Variants in HTR4 observed in about 807,000 individuals in gnomAD.
HTR4 encodes the protein 5-hydroxytryptamine receptor 4.
A neutral mutation model predicts 36.8 loss-of-function variants in HTR4; 16 were observed. That is an observed-to-expected ratio of 0.43 (90% CI 0.29 to 0.66). The LOEUF (loss-of-function observed/expected upper bound fraction) is 0.66, where lower values mean the gene tolerates loss of function less well. Among genes scored for constraint, HTR4 ranks in the 30% least tolerant of loss-of-function variants. HTR4 has a pLI of 0.13. For synonymous variants in HTR4, 189 were observed against 185.1 expected, an observed-to-expected ratio of 1.02 and a Z score of -0.17; for missense variants, 438 against 490.9, an observed-to-expected ratio of 0.89 and a Z score of 1.02.
chr5:148,602,760 T>C lies in HTR4; in HGVS notation c.26+34229A>G, dbSNP rs535707717. 6.2e-4 allele frequency among the ~76,000 whole-genome samples: 95 copies of C among 152,222 alleles called. 2 individuals are homozygous for C. In the South Asian group the frequency reaches 0.011, roughly 18 times the overall value. Reference sequence around the variant, plus strand: ...CTAGACAGGCTTATTAAAAAATGTTTAAAGAGAGAAATAAGGCACAAGTTA... The same window carrying C: ...CTAGACAGGCTTATTAAAAAATGTTCAAAGAGAGAAATAAGGCACAAGTTA... On this transcript the variant is annotated intron_variant, in intron 2 of 6. Coordinates refer to ENST00000377888, the MANE Select transcript of HTR4 (RefSeq NM_000870.7).
intron 1 of HTR4, among the ~76,000 whole-genome samples, chr5:148,647,191 TC>T (rs1753896973): frequency 1.3e-5 from 2 of 152,352 alleles, no homozygotes; most frequent in South Asian, 4.1e-4. Flanking sequence ...TATGTGAAAG[TC>T]CTCTGAACAA....
At chr5:148,600,975 G>A (rs1478795866) in intron 2 of HTR4, among the ~76,000 whole-genome samples, 3 of 1,756 alleles carry the variant, frequency 1.7e-3, no homozygotes, top group Admixed American at 6.3e-3. Flanking sequence ...CAACTCAATA[G>A]CAAAAAAAAA....
chr5:148,619,664 C>T (rs971591982), intron 2 of HTR4, among the ~76,000 whole-genome samples: 3 of 152,102 alleles, frequency 2.0e-5, no homozygotes, highest in Non-Finnish European at 2.9e-5. Flanking sequence ...ATTGAAAACA[C>T]GACTGAAAAT....
At chr5:148,539,230 T>C (rs1357465339) in intron 4 of HTR4, among the ~76,000 whole-genome samples, 1 of 152,180 alleles carries the variant, frequency 6.6e-6, no homozygotes. Flanking sequence ...CAACTGAAGA[T>C]GGATTAAAGA....
chr5:148,550,112 C>T (rs772228112), intron 3 of HTR4, 25 bp downstream of exon 3: 1 of 1,613,502 alleles, frequency 6.2e-7, no homozygotes, highest in South Asian at 1.1e-5. Flanking sequence ...CATGTTTCCT[C>T]AAAAGGTTCC....
At chr5:148,639,562 A>G (rs1266101667) in intron 1 of HTR4, among the ~76,000 whole-genome samples, 1 of 146,596 alleles carries the variant, frequency 6.8e-6, no homozygotes, top group Non-Finnish European at 1.5e-5. Context: ...ACAATTTCAC[A>G]CCCCATTTTC....
chr5:148,497,615 G>A (rs1756746020), intron 6 of HTR4, among the ~76,000 whole-genome samples: 1 of 152,130 alleles, frequency 6.6e-6, no homozygotes, highest in Non-Finnish European at 1.5e-5. Context: ...GCCACTATGT[G>A]CACTATGGGT....
chr5:148,465,093 A>AT (rs1194865347), intron 5 of HTR4, among the ~76,000 whole-genome samples: 1 of 152,170 alleles, frequency 6.6e-6, no homozygotes, highest in African/African-American at 2.4e-5. Flanking sequence ...GAAGAGATAA[A>AT]CACGCAGAGC....
intron 5 of HTR4, among the ~76,000 whole-genome samples, chr5:148,511,923 C>T (rs1259012789): frequency 6.6e-6 from 1 of 151,972 alleles, no homozygotes; most frequent in Admixed American, 6.6e-5. Flanking sequence ...TGACTCTTTC[C>T]ATTGGTTTAG....
At chr5:148,548,531 C>A in intron 4 of HTR4, 137 bp downstream of exon 4, 1 of 766,474 alleles carries the variant, frequency 1.3e-6, no homozygotes, top group South Asian at 1.8e-5. Context: ...TGGAGAATGA[C>A]TGTATAACTG....
chr5:148,621,057 A>C lies in HTR4; in HGVS notation c.26+15932T>G, dbSNP rs546687824. On this transcript the variant is annotated intron_variant, in intron 2 of 6. Coordinates refer to ENST00000377888, the MANE Select transcript of HTR4 (RefSeq NM_000870.7). ...AAAAATATCCATAAATAGGAAAGGA[A>C]TATTAGCAGAATCATTGTCACAGTG... Among the ~76,000 whole-genome samples, 33 of 152,388 alleles carry C rather than the reference A, an allele frequency of 2.2e-4. No individual in the cohort carries two copies. In the South Asian group the frequency reaches 6.6e-3, roughly 31 times the overall value.
intron 6 of HTR4, among the ~76,000 whole-genome samples, chr5:148,489,799 G>T (rs1756330970): frequency 6.6e-6 from 1 of 152,042 alleles, no homozygotes; most frequent in Non-Finnish European, 1.5e-5. Context: ...GGCCAAGAAG[G>T]GTTTCATATA....
Position 148,484,267 on chromosome 5 carries a change from C to G in HTR4, c.1077-974G>C, listed in dbSNP as rs773967768. On this transcript the variant is annotated intron_variant, in intron 6 of 6. Coordinates refer to ENST00000377888, the MANE Select transcript of HTR4 (RefSeq NM_000870.7). The stretch of plus-strand genomic sequence containing the variant: ...ACAGAGAATCATAGTTACCCCAAGA[C>G]AGGCTTCCTTGCAGTCAAACATCTA... 3 of 1,613,232 alleles carry G rather than the reference C, an allele frequency of 1.9e-6. No individual in the cohort carries two copies. In the South Asian group the frequency reaches 3.3e-5, roughly 18 times the overall value.
At chr5:148,463,994 T>C (rs1462033325) in intron 5 of HTR4, among the ~76,000 whole-genome samples, 1 of 149,786 alleles carries the variant, frequency 6.7e-6, no homozygotes, top group Non-Finnish European at 1.5e-5. Context: ...AAAGATAGTC[T>C]TGTCAACACA....
intron 1 of HTR4, among the ~76,000 whole-genome samples, chr5:148,650,531 G>A (rs1754002548): frequency 6.6e-6 from 1 of 151,908 alleles, no homozygotes; most frequent in Non-Finnish European, 1.5e-5. Context: ...GCAGAATGGA[G>A]GAATCAAAGG....
At chr5:148,489,454 A>C (rs546818331) in intron 6 of HTR4, among the ~76,000 whole-genome samples, 4 of 152,318 alleles carry the variant, frequency 2.6e-5, no homozygotes. Flanking sequence ...AGTCAGGTAC[A>C]TAAAGAATAC....
At chr5:148,611,685 T>C (rs1390284890) in intron 2 of HTR4, among the ~76,000 whole-genome samples, 5 of 150,862 alleles carry the variant, frequency 3.3e-5, no homozygotes, top group African/African-American at 1.2e-4. Context: ...CACTATTAAC[T>C]TTAAATGTAA....
At chr5:148,507,089 G>T (rs1235862212) in intron 6 of HTR4, among the ~76,000 whole-genome samples, 1 of 152,008 alleles carries the variant, frequency 6.6e-6, no homozygotes, top group Non-Finnish European at 1.5e-5. Context: ...GTTTATTGCG[G>T]CACTATTCAC....
At chr5:148,537,515 G>A (rs2113825236) in intron 4 of HTR4, among the ~76,000 whole-genome samples, 1 of 152,120 alleles carries the variant, frequency 6.6e-6, no homozygotes. Context: ...GAAGAAAAGA[G>A]AGAGATCTGA....
Sources: allele counts gnomAD v4.1 joint callset (sites outside exome capture counted in the v4.1 genomes callset), GRCh38; gene constraint gnomAD v4.1.1; transcripts MANE v1.5; gene names NCBI Gene and HGNC (gene_info 2026-07-23, HGNC 2026-07-21).